PRKCE: variants seen among roughly 807,000 people sequenced by gnomAD.
The protein encoded by PRKCE is protein kinase C epsilon.
PRKCE carries 16 observed loss-of-function variants against 85.4 expected under a neutral mutation model. The ratio of observed to expected loss-of-function variants is 0.19; its 90% confidence interval spans 0.13 to 0.28. The LOEUF (loss-of-function observed/expected upper bound fraction) is 0.28. PRKCE is among the 10% of genes least tolerant of loss of function. The pLI, the probability that PRKCE is intolerant of heterozygous loss-of-function variation, is 1.00. For missense variants in PRKCE, 573 were observed against 975.2 expected, an observed-to-expected ratio of 0.59 and a Z score of 5.49; for synonymous variants, 388 against 371.5, an observed-to-expected ratio of 1.04 and a Z score of -0.51.
intron 1 of PRKCE, among the ~76,000 whole-genome samples, chr2:45,785,421 G>A (rs1477542246): frequency 1.3e-5 from 2 of 152,164 alleles, no homozygotes; most frequent in East Asian, 1.9e-4. Flanking sequence ...GACCTGGGAG[G>A]CAGAGGTTGC....
chr2:45,847,296 T>C (rs1691872308), intron 2 of PRKCE, among the ~76,000 whole-genome samples: 1 of 152,218 alleles, frequency 6.6e-6, no homozygotes, highest in Non-Finnish European at 1.5e-5. Context: ...GTGTGGACCA[T>C]AGCATGTGGT....
chr2:45,825,245 CTAAG>C (rs1370565073), intron 1 of PRKCE, among the ~76,000 whole-genome samples: 9 of 152,178 alleles, frequency 5.9e-5, no homozygotes, highest in Admixed American at 5.2e-4. Flanking sequence ...GCTCTGCAGC[CTAAG>C]TAAGAGAGCA....
chr2:45,739,224 G>A (rs570557266), intron 1 of PRKCE, among the ~76,000 whole-genome samples: 6 of 152,320 alleles, frequency 3.9e-5, no homozygotes, highest in African/African-American at 7.2e-5. Flanking sequence ...GGGAAGGCCC[G>A]TCTTTGGTCC....
intron 11 of PRKCE, among the ~76,000 whole-genome samples, chr2:46,087,411 C>A (rs567607470): frequency 1.4e-4 from 22 of 152,296 alleles, no homozygotes; most frequent in African/African-American, 5.1e-4. Context: ...CAGGTCCTAA[C>A]CCTTGAATGT....
At chr2:46,140,848 C>T (rs766003181) in intron 11 of PRKCE, among the ~76,000 whole-genome samples, 1 of 151,804 alleles carries the variant, frequency 6.6e-6, no homozygotes, top group Non-Finnish European at 1.5e-5. Context: ...AAAACAAACA[C>T]CACAAAAGAA....
chr2:45,782,756 TATATACACACAC>T (rs1411559028), intron 1 of PRKCE, among the ~76,000 whole-genome samples: 1 of 151,990 alleles, frequency 6.6e-6, no homozygotes, highest in East Asian at 1.9e-4. Context: ...CAACTATATA[TATATACACACAC>T]ATACACACAC....
intron 1 of PRKCE, among the ~76,000 whole-genome samples, chr2:45,719,694 G>T (rs1680449920): frequency 6.6e-6 from 1 of 152,154 alleles, no homozygotes. Context: ...TGGCTTGGAA[G>T]AAATTTTCTC....
chr2:46,159,528 C>T lies in PRKCE; in HGVS notation c.1921-78C>T. ...GGCGATGCTGAAGATGCTGCTTTGGCTGACCTCCATCTGTCCCTTATAGCC... is the reference window on the plus strand; with the variant it reads ...GGCGATGCTGAAGATGCTGCTTTGGTTGACCTCCATCTGTCCCTTATAGCC... On this transcript the variant is annotated intron_variant, in intron 13 of 14. Coordinates refer to ENST00000306156, the MANE Select transcript of PRKCE (RefSeq NM_005400.3). This position sits in a 1 kb window ranked among gnomAD's most constrained non-coding sequence, Gnocchi z 4.1. 1 of 1,442,604 alleles carries T rather than the reference C, an allele frequency of 6.9e-7. No individual in the cohort carries two copies. The highest frequency in any genetic ancestry group is 9.1e-7 in the Non-Finnish European group (1 of 1,093,406). The allele number at this position is 1,442,604 out of a possible 1,614,324, so 89.4% of individuals were successfully genotyped here. A position where few individuals can be genotyped will look rare whatever the true frequency, so the allele number is the denominator to read the frequency against.
chr2:46,169,503 G>A (rs1678679752), intron 14 of PRKCE, among the ~76,000 whole-genome samples: 2 of 152,186 alleles, frequency 1.3e-5, no homozygotes, highest in African/African-American at 4.8e-5. Flanking sequence ...GATCAATGGA[G>A]TATTTCAGGT....
rs552947554 is a variant in PRKCE, at chr2:45,861,186, C to T, written c.412+18123C>T. Among the ~76,000 whole-genome samples the T allele has an allele frequency of 3.3e-5, 5 of 152,130 alleles. No individual in the cohort carries two copies. In the South Asian group the frequency reaches 6.2e-4, roughly 19 times the overall value. ...CCATTGCCTGATGTGAATGCTCCTT[C>T]GTGCTGGGGCTGGTATTAGGGGTAG... On this transcript the variant is annotated intron_variant, in intron 2 of 14. Coordinates refer to ENST00000306156, the MANE Select transcript of PRKCE (RefSeq NM_005400.3).
intron 11 of PRKCE, among the ~76,000 whole-genome samples, chr2:46,095,426 G>C (rs1178221443): frequency 1.3e-5 from 2 of 152,174 alleles, no homozygotes; most frequent in African/African-American, 4.8e-5. Flanking sequence ...TAGAGATCCT[G>C]TTTCACTTCT....
chr2:46,031,632 G>GTGTGTGTGTGTGTGTGTT (rs1374517995), intron 10 of PRKCE, among the ~76,000 whole-genome samples: 17 of 129,912 alleles, frequency 1.3e-4, no homozygotes, highest in Non-Finnish European at 2.2e-4. Flanking sequence ...GTGTGTGTGT[G>GTGTGTGTGTGTGTGTGTT]TGTAGAAAAA....
intron 1 of PRKCE, among the ~76,000 whole-genome samples, chr2:45,754,823 C>T (rs536707296): frequency 5.9e-5 from 9 of 152,338 alleles, no homozygotes; most frequent in African/African-American, 1.7e-4. Flanking sequence ...TCAGCTGGAT[C>T]GCCATATGGA....
intron 1 of PRKCE, among the ~76,000 whole-genome samples, chr2:45,790,635 T>C (rs1686961906): frequency 6.6e-6 from 1 of 152,274 alleles, no homozygotes. Context: ...GTCCAGTATT[T>C]ACACACATTC....
At chr2:45,957,616 T>C (rs914961009) in intron 2 of PRKCE, among the ~76,000 whole-genome samples, 2 of 152,218 alleles carry the variant, frequency 1.3e-5, no homozygotes, top group African/African-American at 2.4e-5. Flanking sequence ...TAGATAGTTC[T>C]TAAATGTGGC....
In PRKCE at chr2:45,984,646, C is replaced by A; in HGVS notation, c.789C>A (p.Leu263=). 1 of 1,599,790 alleles carries A rather than the reference C, an allele frequency of 6.3e-7. No individual in the cohort carries two copies. Among genetic ancestry groups the A allele is most frequent in the Non-Finnish European group, 8.5e-7 (1 of 1,179,906 alleles). ...TCTGCGATCACTGTGGGTCCCTGCT[C>A]TGGGGACTCTTGCGGCAGGGTTTGC... ...PTFCDHCGSL[L]WGLLRQGLQC... Residue 263 remains leucine, a synonymous_variant, in exon 6 of 15, where the codon CTC becomes CTA. Coordinates refer to ENST00000306156, the MANE Select transcript of PRKCE (RefSeq NM_005400.3).
At chr2:46,088,020 T>A (rs1375133193) in intron 11 of PRKCE, among the ~76,000 whole-genome samples, 1 of 152,202 alleles carries the variant, frequency 6.6e-6, no homozygotes, top group Non-Finnish European at 1.5e-5. Context: ...ATGATTAGGA[T>A]CCTTAATTAT....
chr2:45,763,830 C>A (rs1413376507), intron 1 of PRKCE, among the ~76,000 whole-genome samples: 2 of 152,160 alleles, frequency 1.3e-5, no homozygotes, highest in Non-Finnish European at 2.9e-5. Context: ...GTGACACACA[C>A]CTTGTTAAAA....
intron 2 of PRKCE, among the ~76,000 whole-genome samples, chr2:45,844,310 C>T (rs966462695): frequency 1.3e-5 from 2 of 152,202 alleles, no homozygotes; most frequent in African/African-American, 4.8e-5. Context: ...AAATTGGTTG[C>T]TTACATTTCC....
Sources: gnomAD v4.1 joint callset for allele counts (sites outside exome capture counted in the v4.1 genomes callset) on GRCh38, gnomAD v4.1.1 for gene constraint, Gnocchi (gnomAD v3.1) non-coding constraint, MANE v1.5 for transcripts, NCBI Gene and HGNC (gene_info 2026-07-23, HGNC 2026-07-21) for gene names.